The following CIMIP2A variants were observed in gnomAD, a reference collection of about 807,000 sequenced individuals.
The protein encoded by CIMIP2A is family with sequence similarity 166 member A.
At chr9:137,244,145 C>T in the CIMIP2A span, 6 of 1,608,478 alleles carry the variant, frequency 3.7e-6, no homozygotes, top group Admixed American at 8.3e-5. Context: ...GGGGTGTGTC[C>T]ATGTGACCCT....
At chr9:137,252,932 C>T in the CIMIP2A span, 17 of 1,600,212 alleles carry the variant, frequency 1.1e-5, no homozygotes, top group African/African-American at 6.7e-5. Context: ...CTCGATGAGC[C>T]GCTCCCCTGC....
chr9:137,251,642 A>C, the CIMIP2A span: 1 of 1,405,946 alleles, frequency 7.1e-7, no homozygotes, highest in Non-Finnish European at 9.4e-7. Flanking sequence ...GGCTGGGAGC[A>C]GCCGGGGGCT....
At chr9:137,252,511 G>C in the CIMIP2A span, 47 of 1,495,632 alleles carry the variant, frequency 3.1e-5, 1 homozygote, top group Middle Eastern at 3.6e-4. Context: ...AGCTGACTTC[G>C]ACCAAGAGCA....
At chr9:137,244,951 G>C in the CIMIP2A span, 2 of 1,602,750 alleles carry the variant, frequency 1.2e-6, no homozygotes, top group Admixed American at 1.7e-5. Context: ...GGGAGGCAGA[G>C]GAGGTCCCCC....
the CIMIP2A span, chr9:137,245,806 T>G: frequency 6.6e-7 from 1 of 1,519,834 alleles, no homozygotes; most frequent in South Asian, 1.3e-5. Context: ...GGTACGCCCA[T>G]AGGTGTTCCC....
At chr9:137,253,408 T>C in the CIMIP2A span, 3 of 1,468,994 alleles carry the variant, frequency 2.0e-6, no homozygotes, top group Non-Finnish European at 2.7e-6. Flanking sequence ...CTATGGGCTG[T>C]GGACAAGGCT....
the CIMIP2A span, chr9:137,243,709 G>T: frequency 6.2e-7 from 1 of 1,614,178 alleles, no homozygotes; most frequent in Non-Finnish European, 8.5e-7. Flanking sequence ...TTCATAGTGT[G>T]TGGTTTCGCT....
chr9:137,243,924 G>T, the CIMIP2A span: 1 of 1,066,888 alleles, frequency 9.4e-7, no homozygotes. Flanking sequence ...GCTTGTTGAA[G>T]GCAGGCCTGT....
chr9:137,247,294 A>C, the CIMIP2A span, among the ~76,000 whole-genome samples: 1 of 152,230 alleles, frequency 6.6e-6, no homozygotes, highest in Non-Finnish European at 1.5e-5. Flanking sequence ...TCAAAAAATA[A>C]ATAAATAAAA....
chr9:137,251,014 C>T, the CIMIP2A span: 2 of 454,302 alleles, frequency 4.4e-6, no homozygotes, highest in South Asian at 4.1e-5. Context: ...TCCCAGGAGA[C>T]CCCAGGGTGC....
At chr9:137,253,740 C>G in the CIMIP2A span, among the ~76,000 whole-genome samples, 1 of 152,190 alleles carries the variant, frequency 6.6e-6, no homozygotes, top group African/African-American at 2.4e-5. Context: ...ACCTGAGGGT[C>G]AGCTGCTTGC....
At chr9:137,243,942 C>T in the CIMIP2A span, among the ~76,000 whole-genome samples, 2 of 152,154 alleles carry the variant, frequency 1.3e-5, no homozygotes, top group Non-Finnish European at 2.9e-5. Flanking sequence ...TGTCCTGTTC[C>T]AGGTACCCAA....
chr9:137,244,544 G>C, the CIMIP2A span: 1 of 1,548,072 alleles, frequency 6.5e-7, no homozygotes, highest in Non-Finnish European at 8.8e-7. Context: ...AGGCTTCTCA[G>C]GGAACCTGGC....
the CIMIP2A span, chr9:137,244,957 C>T: frequency 8.7e-6 from 14 of 1,602,662 alleles, no homozygotes; most frequent in Admixed American, 2.0e-4. Context: ...CAGAGGAGGT[C>T]CCCCCAGGCC....
chr9:137,245,758 C>A, the CIMIP2A span: 1 of 1,576,736 alleles, frequency 6.3e-7, no homozygotes, highest in Non-Finnish European at 8.6e-7. Context: ...AGAGCAGGGG[C>A]TCTTCTGCAC....
the CIMIP2A span, chr9:137,247,706 T>C: frequency 6.8e-6 from 11 of 1,613,362 alleles, no homozygotes; most frequent in Non-Finnish European, 9.3e-6. Flanking sequence ...TGTTTCTGAG[T>C]AGTTGTCATT....
At chr9:137,253,454 G>A in the CIMIP2A span, 6 of 1,436,614 alleles carry the variant, frequency 4.2e-6, no homozygotes, top group Non-Finnish European at 4.6e-6. Flanking sequence ...CCATCTCCCC[G>A]CTACACTGAG....
chr9:137,245,535 A>C, the CIMIP2A span: 1 of 1,613,728 alleles, frequency 6.2e-7, no homozygotes, highest in Non-Finnish European at 8.5e-7. Context: ...CCAGAATCTC[A>C]AAGTTCTTAG....
chr9:137,246,501 C>T, the CIMIP2A span, among the ~76,000 whole-genome samples: 3 of 152,124 alleles, frequency 2.0e-5, no homozygotes, highest in Non-Finnish European at 2.9e-5. Flanking sequence ...CGGTGGCTCA[C>T]GCCTGTCATC....
Sources: allele counts gnomAD v4.1 joint callset (sites outside exome capture counted in the v4.1 genomes callset), GRCh38; gene constraint gnomAD v4.1.1; transcripts MANE v1.5; gene names NCBI Gene and HGNC (gene_info 2026-07-23, HGNC 2026-07-21).